SAMD5: variants seen among roughly 807,000 people sequenced by gnomAD.
The protein encoded by SAMD5 is sterile alpha motif domain-containing protein 5.
In SAMD5, 13 loss-of-function variants were observed where a neutral mutation model predicts 11.3. That is an observed-to-expected ratio of 1.15 (90% CI 0.75 to 1.83). The LOEUF is 1.83. Ranked by LOEUF, SAMD5 falls within the 40% of genes most tolerant of loss-of-function variation. The pLI is 0.00. For missense variants in SAMD5, 255 were observed against 239.1 expected (o/e 1.07, Z -0.44); for synonymous variants, 129 against 111.3 (o/e 1.16, Z -1.00).
At chr6:147,783,277 A>C in the SAMD5 span, among the ~76,000 whole-genome samples, 1 of 152,146 alleles carries the variant, frequency 6.6e-6, no homozygotes, top group East Asian at 1.9e-4. Flanking sequence ...AAAAATATTA[A>C]TGATAATAAT....
intron 1 of SAMD5, among the ~76,000 whole-genome samples, chr6:147,597,551 T>A (rs1789550890): frequency 6.6e-6 from 1 of 152,228 alleles, no homozygotes; most frequent in Admixed American, 6.5e-5. Context: ...CTTACCCTAC[T>A]GGAAAGCGTA....
the SAMD5 span, among the ~76,000 whole-genome samples, chr6:147,880,642 A>G: frequency 1.3e-5 from 2 of 152,144 alleles, no homozygotes; most frequent in Non-Finnish European, 2.9e-5. Flanking sequence ...AGACAATCCC[A>G]CTTGGGAACC....
chr6:147,890,065 A>T, the SAMD5 span, among the ~76,000 whole-genome samples: 1 of 152,216 alleles, frequency 6.6e-6, no homozygotes, highest in Admixed American at 6.5e-5. Context: ...TCATGTGCTT[A>T]CTTTTAATAA....
At chr6:147,877,530 T>G in the SAMD5 span, among the ~76,000 whole-genome samples, 1 of 152,188 alleles carries the variant, frequency 6.6e-6, no homozygotes, top group African/African-American at 2.4e-5. Flanking sequence ...TAATTTTCTG[T>G]GTCAATTTGG....
At chr6:147,764,163 A>G in the SAMD5 span, among the ~76,000 whole-genome samples, 1 of 152,206 alleles carries the variant, frequency 6.6e-6, no homozygotes. Flanking sequence ...TATGTTAACT[A>G]GTATTTATGG....
chr6:147,842,483 A>T, the SAMD5 span, among the ~76,000 whole-genome samples: 1 of 122,758 alleles, frequency 8.1e-6, no homozygotes, highest in South Asian at 2.5e-4. Flanking sequence ...GCTGAAATAG[A>T]AATAATTTAT....
the SAMD5 span, among the ~76,000 whole-genome samples, chr6:147,874,795 T>A: frequency 6.6e-6 from 1 of 152,010 alleles, no homozygotes; most frequent in East Asian, 2.0e-4. Context: ...AATTTGATAA[T>A]CAGCATTGGT....
chr6:147,564,082 C>T (rs1271046203), intron 1 of SAMD5, among the ~76,000 whole-genome samples: 1 of 150,064 alleles, frequency 6.7e-6, no homozygotes, highest in Non-Finnish European at 1.5e-5. Context: ...CAAACTATTA[C>T]AAGGTATATT....
At chr6:147,713,349 T>A (rs1486899728) in intron 1 of SAMD5, among the ~76,000 whole-genome samples, 1 of 152,186 alleles carries the variant, frequency 6.6e-6, no homozygotes, top group African/African-American at 2.4e-5. Flanking sequence ...TTGATTTATA[T>A]ACCCTGGGTT....
chr6:147,652,787 T>A (rs1275740641), intron 1 of SAMD5, among the ~76,000 whole-genome samples: 1 of 152,248 alleles, frequency 6.6e-6, no homozygotes, highest in Admixed American at 6.5e-5. Flanking sequence ...TCCCATATGA[T>A]GTGTTGGTGA....
chr6:147,633,069 T>C lies in SAMD5; in HGVS notation c.163-104248T>C, dbSNP rs117945772. Among the ~76,000 whole-genome samples, 507 of 152,278 alleles carry C rather than the reference T, an allele frequency of 3.3e-3. 2 individuals are homozygous for C. The highest frequency in any genetic ancestry group is 5.4e-3 in the Non-Finnish European group (366 of 68,010). On this transcript the variant is annotated intron_variant, in intron 1 of 1. Transcript: ENST00000566741. ...CCCTTGAATGAAGAGGTAAACTGAATCAAATGACAGAAATACAGGCACTTT... is the reference window on the plus strand; with the variant it reads ...CCCTTGAATGAAGAGGTAAACTGAACCAAATGACAGAAATACAGGCACTTT...
At chr6:147,652,851 T>C (rs889010200) in intron 1 of SAMD5, among the ~76,000 whole-genome samples, 1 of 152,222 alleles carries the variant, frequency 6.6e-6, no homozygotes, top group African/African-American at 2.4e-5. Context: ...TTTATTTACT[T>C]GGTGCCAGCA....
chr6:147,562,154 G>A (rs1450886879), intron 1 of SAMD5, among the ~76,000 whole-genome samples: 2 of 152,160 alleles, frequency 1.3e-5, no homozygotes, highest in Admixed American at 6.5e-5. Flanking sequence ...GGGTTTATAG[G>A]CAGGGTGTCT....
the SAMD5 span, among the ~76,000 whole-genome samples, chr6:147,881,289 T>G: frequency 1.3e-5 from 2 of 152,170 alleles, no homozygotes; most frequent in Admixed American, 6.5e-5. Context: ...CATTTCATTA[T>G]TTAGGGCTAA....
chr6:147,659,505 C>T (rs138796792), intron 1 of SAMD5, among the ~76,000 whole-genome samples: 22 of 152,154 alleles, frequency 1.4e-4, no homozygotes, highest in African/African-American at 5.3e-4. Context: ...CAACTTCTGG[C>T]TGATAAATGG....
At chr6:147,636,404 C>G (rs1790231490) in intron 1 of SAMD5, among the ~76,000 whole-genome samples, 1 of 151,962 alleles carries the variant, frequency 6.6e-6, no homozygotes. Flanking sequence ...ATTAAATATC[C>G]CTTATCAAAA....
Position 147,565,895 on chromosome 6 carries a change from C to A in SAMD5, c.*1439C>A. ...GAGGCTGTCAATTGTTTAGAGCTCC[C>A]AAGTAGTACTGCATTACGGAATCTA... On this transcript the variant is annotated 3_prime_UTR_variant, in exon 2 of 2. Coordinates refer to ENST00000367474, the MANE Select transcript of SAMD5 (RefSeq NM_001030060.3). 1.0e-6 allele frequency: 1 copy of A among 985,298 alleles called. No homozygotes were observed. Among genetic ancestry groups the A allele is most frequent in the Non-Finnish European group, 1.2e-6 (1 of 829,868 alleles). The allele number at this position is 985,298 out of a possible 1,614,324, so 61.0% of individuals were successfully genotyped here.
the SAMD5 span, among the ~76,000 whole-genome samples, chr6:147,884,854 C>T: frequency 8.5e-5 from 13 of 152,146 alleles, no homozygotes; most frequent in East Asian, 3.9e-4. Context: ...AGCTGTCTGG[C>T]GCAATATTTG....
chr6:147,581,584 G>C (rs1789298665), intron 1 of SAMD5, among the ~76,000 whole-genome samples: 1 of 152,122 alleles, frequency 6.6e-6, no homozygotes, highest in Non-Finnish European at 1.5e-5. Flanking sequence ...GAGGATGAAA[G>C]GGGAGACAAG....
Sources: allele counts gnomAD v4.1 joint callset (sites outside exome capture counted in the v4.1 genomes callset), GRCh38; gene constraint gnomAD v4.1.1; transcripts MANE v1.5; gene names NCBI Gene and HGNC (gene_info 2026-07-23, HGNC 2026-07-21).